TET2: variants seen among roughly 807,000 people sequenced by gnomAD.
TET2 encodes tet methylcytosine dioxygenase 2, also known as methylcytosine dioxygenase TET2.
TET2 carries 299 observed loss-of-function variants against 142.9 expected under a neutral mutation model. The ratio of observed to expected loss-of-function variants is 2.09; its 90% CI spans 1.90 to 2.30. The LOEUF (loss-of-function observed/expected upper bound fraction) is 2.30, where lower values mean the gene tolerates loss of function less well. TET2 is among the 30% of genes most tolerant of loss of function. The pLI is 0.00. For synonymous variants in TET2, 819 were observed against 849.0 expected (o/e 0.96, Z 0.61); for missense variants, 2,418 against 2,378.0 (o/e 1.02, Z -0.35).
At chr4:105,189,267 C>T (rs1299315783) in intron 1 of TET2, among the ~76,000 whole-genome samples, 1 of 152,092 alleles carries the variant, frequency 6.6e-6, no homozygotes, top group Non-Finnish European at 1.5e-5. Context: ...TGTAGTGCAT[C>T]TAGCATAGTG....
Position 105,275,801 on chromosome 4 carries a change from A to ATAAC in TET2, c.5294_5297dup (p.Tyr1766Ter), listed in dbSNP as rs1336363650. ...CATCATTCACCTTCTCACATAATCC[A>ATAAC]TAACTACAGTGCAGCTCCGGGCATG... is the stretch of plus-strand genomic sequence containing the variant. On this transcript the variant is annotated frameshift_variant, in exon 11 of 11. Transcript: ENST00000380013. LOFTEE classifies it low-confidence loss of function (END_TRUNC). The ATAAC allele has an allele frequency of 6.4e-7, 1 of 1,551,622 alleles. No homozygotes were observed. The highest frequency in any genetic ancestry group is 8.7e-7 in the Non-Finnish European group (1 of 1,147,002).
chr4:105,232,939 T>G (rs1239884642), intron 2 of TET2, among the ~76,000 whole-genome samples: 2 of 152,088 alleles, frequency 1.3e-5, no homozygotes, highest in Non-Finnish European at 2.9e-5. Context: ...GATGAAATAG[T>G]TTGAGAACCA....
chr4:105,188,412 T>G (rs1283306900), intron 1 of TET2, among the ~76,000 whole-genome samples: 2 of 152,100 alleles, frequency 1.3e-5, no homozygotes, highest in Non-Finnish European at 2.9e-5. Flanking sequence ...AATTTCTGTT[T>G]AGGAAGATGA....
At chr4:105,184,876 G>A (rs115461625) in intron 1 of TET2, among the ~76,000 whole-genome samples, 20 of 152,330 alleles carry the variant, frequency 1.3e-4, no homozygotes, top group Middle Eastern at 3.4e-3. Flanking sequence ...ATCAAGCACA[G>A]AAGCAGCCAA....
At chr4:105,177,561 A>G (rs1289062818) in intron 1 of TET2, 1 of 152,236 alleles carries the variant, frequency 6.6e-6, no homozygotes, top group Non-Finnish European at 1.5e-5. Flanking sequence ...GGTATTGAAA[A>G]TTAAAACAAC....
At chr4:105,240,653 T>C in intron 3 of TET2, 1 of 1,079,970 alleles carries the variant, frequency 9.3e-7, no homozygotes, top group Non-Finnish European at 1.1e-6. Context: ...ATAGATAATA[T>C]TTGGTAAGTT....
chr4:105,232,953 A>C (rs1188174532), intron 2 of TET2, among the ~76,000 whole-genome samples: 1 of 152,200 alleles, frequency 6.6e-6, no homozygotes. Flanking sequence ...AGAACCATGC[A>C]GGCAAGTTTA....
intron 2 of TET2, chr4:105,190,724 AAGAT>A (rs1236469408): frequency 2.7e-5 from 12 of 452,382 alleles, no homozygotes; most frequent in Middle Eastern, 5.8e-4. Context: ...TTTCTGGAGA[AAGAT>A]AGATTTTTAT....
rs36045001 is a variant in TET2 at position 105,209,049 on chromosome 4, G to GTATATATATA, written c.-47+18584_-47+18593dup. Among the ~76,000 whole-genome samples, 226 of 44,302 alleles carry GTATATATATA rather than the reference G, an allele frequency of 5.1e-3. 20 individuals are homozygous for GTATATATATA. The highest frequency in any genetic ancestry group is 0.011 in the Non-Finnish European group (131 of 12,132). The allele number at this position is 44,302 out of a possible 152,430, so 29.1% of individuals were successfully genotyped here. A position where few individuals can be genotyped will look rare whatever the true frequency, so the allele number is the denominator to read the frequency against. ...AATGAAATAGATGCCTCAAGGCATG[G>GTATATATATA]TATATATATATATATATATATATAT... is the stretch of plus-strand genomic sequence containing the variant. On this transcript the variant is annotated intron_variant, in intron 2 of 10. Coordinates refer to ENST00000380013, the MANE Select transcript of TET2 (RefSeq NM_001127208.3).
At chr4:105,150,388 C>G (rs932895504) in intron 1 of TET2, among the ~76,000 whole-genome samples, 3 of 152,148 alleles carry the variant, frequency 2.0e-5, no homozygotes, top group African/African-American at 7.2e-5. Flanking sequence ...TTTCAAATCG[C>G]TGGAAAGAGT....
rs1731326424 is a variant in TET2 at position 105,278,610 on chromosome 4, A to G, written c.*2091A>G. 8.6e-6 allele frequency: 2 copies of G among 232,244 alleles called. No individual in the cohort carries two copies. Among genetic ancestry groups the G allele is most frequent in the Non-Finnish European group, 1.7e-5 (2 of 117,498 alleles). 14.4% of individuals were successfully genotyped at this position (232,244 alleles called of 1,614,324 possible). ...AACCCTTTTATTTTGAATCCCTTCT[A>G]TTTTACTTGTACATGTGCTGATGTA... On this transcript the variant is annotated 3_prime_UTR_variant, in exon 11 of 11. Coordinates refer to ENST00000380013, the MANE Select transcript of TET2 (RefSeq NM_001127208.3).
intron 2 of TET2, among the ~76,000 whole-genome samples, chr4:105,198,859 A>G (rs1157143424): frequency 6.6e-6 from 1 of 152,212 alleles, no homozygotes; most frequent in Non-Finnish European, 1.5e-5. Flanking sequence ...TGATAGTCTC[A>G]TTTGCGAAGT....
chr4:105,220,184 A>G (rs1227715286), intron 2 of TET2, among the ~76,000 whole-genome samples: 2 of 152,186 alleles, frequency 1.3e-5, no homozygotes, highest in East Asian at 1.9e-4. Context: ...GAAATTACAT[A>G]AAGTTCTTAT....
At chr4:105,147,616 G>C (rs1442234351) in intron 1 of TET2, 1 of 152,146 alleles carries the variant, frequency 6.6e-6, no homozygotes, top group African/African-American at 2.4e-5. Flanking sequence ...TAGCGGCGCT[G>C]AGTGAAAGAG....
chr4:105,267,403 A>G (rs888231171), intron 8 of TET2, among the ~76,000 whole-genome samples: 2 of 152,082 alleles, frequency 1.3e-5, no homozygotes, highest in African/African-American at 2.4e-5. Context: ...TATGAGGTTT[A>G]TAACACGTAG....
chr4:105,180,270 G>T (rs201917638), intron 1 of TET2, among the ~76,000 whole-genome samples: 136 of 152,208 alleles, frequency 8.9e-4, no homozygotes, highest in Middle Eastern at 3.4e-3. Context: ...GCTTCTTTTT[G>T]CCAAACTCCA....
chr4:105,210,305 CT>C (rs1278227169), intron 2 of TET2, among the ~76,000 whole-genome samples: 1 of 152,130 alleles, frequency 6.6e-6, no homozygotes, highest in East Asian at 1.9e-4. Flanking sequence ...CAATATCTTC[CT>C]GGCCATCTCT....
At chr4:105,232,356 A>G (rs1328324371) in intron 2 of TET2, among the ~76,000 whole-genome samples, 1 of 152,148 alleles carries the variant, frequency 6.6e-6, no homozygotes. Context: ...TGGTAGAATG[A>G]TTTATATCCC....
chr4:105,236,812 TAC>T lies in TET2; in HGVS notation c.2872_2873del (p.Gln958GlufsTer13). 1 of 1,614,038 alleles carries T rather than the reference TAC, an allele frequency of 6.2e-7. No individual in the cohort carries two copies. Among genetic ancestry groups the T allele is most frequent in the Non-Finnish European group, 8.5e-7 (1 of 1,179,990 alleles). On this transcript the variant is annotated frameshift_variant, in exon 3 of 11. Transcript: ENST00000380013. LOFTEE classifies it high-confidence loss of function. ...CATGCTGCTCTAAGGTGGCATCTCT[TAC>T]AGAAGCAAGAACAGCAGCAAACACA... is the stretch of plus-strand genomic sequence containing the variant.
Sources: gnomAD v4.1 joint callset for allele counts (sites outside exome capture counted in the v4.1 genomes callset) on GRCh38, gnomAD v4.1.1 for gene constraint, MANE v1.5 for transcripts, NCBI Gene and HGNC (gene_info 2026-07-23, HGNC 2026-07-21) for gene names.